Variants in HELZ observed in about 807,000 individuals in gnomAD.
HELZ encodes the protein ATP-dependent RNA helicase with zinc finger domain.
HELZ carries 23 observed loss-of-function variants against 218.2 expected under a neutral mutation model. That is an observed-to-expected ratio of 0.11 (90% CI 0.08 to 0.15). The LOEUF (loss-of-function observed/expected upper bound fraction) is 0.15, where lower values mean the gene tolerates loss of function less well. HELZ is among the 10% of genes least tolerant of loss of function. The probability of loss-of-function intolerance (pLI) is 1.00; values close to 1 mark genes in which losing one functional copy is unlikely to be tolerated. For missense variants in HELZ, 1,813 were observed against 2,353.7 expected, an observed-to-expected ratio of 0.77 and a Z score of 4.75; for synonymous variants, 814 against 829.4, an observed-to-expected ratio of 0.98 and a Z score of 0.32.
At chr17:67,130,167 G>A (rs2037932661) in intron 23 of HELZ, among the ~76,000 whole-genome samples, 1 of 152,034 alleles carries the variant, frequency 6.6e-6, no homozygotes, top group African/African-American at 2.4e-5. Context: ...TTGAGATACT[G>A]GAGATTCAGA....
chr17:67,229,198 C>G (rs1022128448), intron 3 of HELZ, among the ~76,000 whole-genome samples: 1 of 152,118 alleles, frequency 6.6e-6, no homozygotes, highest in Non-Finnish European at 1.5e-5. Flanking sequence ...AAAATAATGT[C>G]AAAGCTCATT....
chr17:67,195,852 C>CTTTTTTTTTTTTTTT (rs1238942016), intron 7 of HELZ, among the ~76,000 whole-genome samples: 23 of 84,844 alleles, frequency 2.7e-4, no homozygotes, highest in South Asian at 4.6e-4. Flanking sequence ...TTTTTTTTTT[C>CTTTTTTTTTTTTTTT]TTTTTTTTTT....
chr17:67,222,593 G>A lies in HELZ; in HGVS notation c.-18-3771C>T, dbSNP rs539127522. On this transcript the variant is annotated intron_variant, in intron 3 of 32. Transcript: ENST00000358691. ...CAAGATCTACCTGAATCACAGTAGG[G>A]TCACTTAGCTGTAGTGTGGAACTCA... 2.0e-5 allele frequency among the ~76,000 whole-genome samples: 3 copies of A among 152,264 alleles called. No homozygotes were observed. In the South Asian group the frequency reaches 6.2e-4, roughly 32 times the overall value.
chr17:67,125,816 C>G (rs574463897), intron 24 of HELZ, among the ~76,000 whole-genome samples: 1 of 152,170 alleles, frequency 6.6e-6, no homozygotes, highest in East Asian at 1.9e-4. Flanking sequence ...ATCCCATGAG[C>G]CCTAAAAGCA....
intron 20 of HELZ, among the ~76,000 whole-genome samples, chr17:67,146,839 A>C (rs929861311): frequency 6.6e-6 from 1 of 152,168 alleles, no homozygotes; most frequent in Non-Finnish European, 1.5e-5. Context: ...TTATAGTGTA[A>C]GTTTCTGGTC....
chr17:67,128,255 A>C (rs1481560779), intron 24 of HELZ, among the ~76,000 whole-genome samples: 1 of 152,238 alleles, frequency 6.6e-6, no homozygotes, highest in African/African-American at 2.4e-5. Flanking sequence ...TATTTGCTTT[A>C]TACAAATATC....
chr17:67,234,921 T>C (rs558202347), intron 3 of HELZ, among the ~76,000 whole-genome samples: 1 of 152,212 alleles, frequency 6.6e-6, no homozygotes, highest in Admixed American at 6.5e-5. Context: ...AGTGGAAGTG[T>C]TCCCTGATAT....
intron 32 of HELZ, among the ~76,000 whole-genome samples, chr17:67,084,895 G>T (rs953012538): frequency 6.6e-6 from 1 of 152,094 alleles, no homozygotes; most frequent in Non-Finnish European, 1.5e-5. Context: ...CAAGGCGGAT[G>T]GATCACTTGA....
rs1199592945 is a variant in HELZ, at chr17:67,210,844, C to T, written c.247+5055G>A. ...GGCTGAGGCAGGAGAATCGCTTGAA[C>T]CCAGGAGGCAGAGGTTGCAGTGAGC... On this transcript the variant is annotated intron_variant, in intron 5 of 32. Transcript: ENST00000358691. Among the ~76,000 whole-genome samples the T allele has an allele frequency of 7.9e-5, 12 of 152,256 alleles. No individual in the cohort carries two copies. The East Asian group carries it at 2.3e-3, about 29-fold the overall frequency.
At chr17:67,195,012 G>A (rs948505578) in intron 8 of HELZ, among the ~76,000 whole-genome samples, 1 of 152,198 alleles carries the variant, frequency 6.6e-6, no homozygotes, top group African/African-American at 2.4e-5. Flanking sequence ...TTCCTCTGGT[G>A]AGAGGAGAGG....
chr17:67,187,870 G>C (rs2039798288), intron 12 of HELZ, among the ~76,000 whole-genome samples: 1 of 152,072 alleles, frequency 6.6e-6, no homozygotes. Flanking sequence ...ATTTATGAAG[G>C]CTTATTATAC....
chr17:67,139,127 A>G (rs1454342410), intron 21 of HELZ, among the ~76,000 whole-genome samples: 1 of 152,002 alleles, frequency 6.6e-6, no homozygotes, highest in African/African-American at 2.4e-5. Context: ...TTTAATAAAA[A>G]TTGACAATTT....
rs1289084161 is a variant in HELZ at position 67,159,019 on chromosome 17, C to A, written c.2177+1242G>T. On this transcript the variant is annotated intron_variant, in intron 17 of 32. Transcript: ENST00000358691. Reference sequence around the variant, plus strand: ...AAGGTCACACTTCCTATGTAACACACACATGCTCACTCTACCAACAATATA... The same window carrying A: ...AAGGTCACACTTCCTATGTAACACAAACATGCTCACTCTACCAACAATATA... Among the ~76,000 whole-genome samples the A allele has an allele frequency of 2.6e-5, 4 of 152,244 alleles. No homozygotes were observed. In the East Asian group the frequency reaches 7.7e-4, roughly 29 times the overall value.
chr17:67,128,496 T>C (rs2037873206), intron 24 of HELZ, 155 bp downstream of exon 24: 4 of 689,752 alleles, frequency 5.8e-6, no homozygotes, highest in Non-Finnish European at 7.8e-6. Flanking sequence ...TTCACTTACA[T>C]GTCCACACTA....
chr17:67,094,922 G>A (rs2036696459), intron 31 of HELZ, among the ~76,000 whole-genome samples: 1 of 152,156 alleles, frequency 6.6e-6, no homozygotes, highest in South Asian at 2.1e-4. Flanking sequence ...CACTGACCAG[G>A]GTGGTGGTTG....
chr17:67,221,887 A>G (rs779825188), intron 3 of HELZ, among the ~76,000 whole-genome samples: 3 of 147,510 alleles, frequency 2.0e-5, no homozygotes, highest in Middle Eastern at 7.0e-3. Flanking sequence ...TGCGCAGCCC[A>G]TGCTGGGAGT....
chr17:67,190,670 C>T (rs1467592324), intron 9 of HELZ, among the ~76,000 whole-genome samples: 1 of 152,102 alleles, frequency 6.6e-6, no homozygotes, highest in Admixed American at 6.5e-5. Flanking sequence ...AGGACTCTTA[C>T]TAGACAATTC....
In HELZ at chr17:67,120,391, G is replaced by T; in HGVS notation, c.3838+14C>A. 1.2e-6 allele frequency: 2 copies of T among 1,605,762 alleles called. No individual in the cohort carries two copies. The highest frequency in any genetic ancestry group is 2.2e-5 in the South Asian group (2 of 90,904). ...ATCAGTTTATGAACAGGAGAACAGC[G>T]AAGTACAACTTACCATTTCGATTTT... On this transcript the variant is annotated intron_variant, in intron 27 of 32. Transcript: ENST00000358691.
intron 1 of HELZ, chr17:67,244,631 G>A: frequency 3.2e-6 from 3 of 945,270 alleles, no homozygotes; most frequent in Non-Finnish European, 3.8e-6. Context: ...CCCTCCGCGG[G>A]GGAGGGAGGG....
Sources: allele counts gnomAD v4.1 joint callset (sites outside exome capture counted in the v4.1 genomes callset), GRCh38; gene constraint gnomAD v4.1.1; transcripts MANE v1.5; gene names NCBI Gene and HGNC (gene_info 2026-07-23, HGNC 2026-07-21).